NUDT5: variants seen among roughly 807,000 people sequenced by gnomAD.
The protein encoded by NUDT5 is ADP-sugar pyrophosphatase.
Under a neutral mutation model 34.1 loss-of-function variants are expected in NUDT5, and 21 were observed. The ratio of observed to expected loss-of-function variants is 0.62; its 90% CI spans 0.44 to 0.89. The LOEUF (loss-of-function observed/expected upper bound fraction) is 0.89, where lower values mean the gene tolerates loss of function less well. Among genes scored for constraint, NUDT5 ranks in the 40% least tolerant of loss-of-function variants. NUDT5 has a pLI of 0.00. For synonymous variants in NUDT5, 85 were observed against 97.6 expected, an observed-to-expected ratio of 0.87 and a Z score of 0.76; for missense variants, 249 against 274.8, an observed-to-expected ratio of 0.91 and a Z score of 0.66.
At chr10:12,189,520 A>T (rs557588505) in intron 1 of NUDT5, among the ~76,000 whole-genome samples, 4 of 152,358 alleles carry the variant, frequency 2.6e-5, no homozygotes, top group African/African-American at 7.2e-5. Context: ...GCATATTCTT[A>T]ACTATGAGAT....
At chr10:12,195,053 G>T (rs960608522) in intron 1 of NUDT5, among the ~76,000 whole-genome samples, 2 of 152,188 alleles carry the variant, frequency 1.3e-5, no homozygotes, top group African/African-American at 2.4e-5. Flanking sequence ...TCAGCTACTC[G>T]AGAAGCTAAG....
chr10:12,173,925 GGT>G lies in NUDT5; in HGVS notation c.290-114_290-113del. On this transcript the variant is annotated intron_variant, in intron 5 of 9. Coordinates refer to ENST00000491614, the MANE Select transcript of NUDT5 (RefSeq NM_014142.4). The surrounding 1 kb of genome is among the most constrained non-coding windows in gnomAD (Gnocchi z 4.7). ...TCTGTCGCCCAGGCTGGAGTGCAGTGGTGCGATCTCGGCCCACTGCAACCTCC... is the reference window on the plus strand; with the variant it reads ...TCTGTCGCCCAGGCTGGAGTGCAGTGGCGATCTCGGCCCACTGCAACCTCC... 2.6e-6 allele frequency: 2 copies of G among 780,560 alleles called. No individual in the cohort carries two copies. The highest frequency in any genetic ancestry group is 4.4e-6 in the Non-Finnish European group (2 of 450,778). 48.4% of individuals were successfully genotyped at this position (780,560 alleles called of 1,614,324 possible).
At chr10:12,177,462 T>A (rs1353708576) in intron 5 of NUDT5, among the ~76,000 whole-genome samples, 1 of 152,102 alleles carries the variant, frequency 6.6e-6, no homozygotes, top group Non-Finnish European at 1.5e-5. Context: ...GAGGTTGCAG[T>A]GAGCCGAGAT....
chr10:12,188,851 G>A (rs1485422538), intron 1 of NUDT5, among the ~76,000 whole-genome samples: 2 of 151,604 alleles, frequency 1.3e-5, no homozygotes, highest in Admixed American at 1.3e-4. Context: ...TTTATGTCAA[G>A]TGACTCAGCG....
rs543220456 is a variant in NUDT5 at position 12,169,174 on chromosome 10, T to C, written c.551-1363A>G. 2.5e-4 allele frequency: 210 copies of C among 829,664 alleles called. No individual in the cohort carries two copies. The African/African-American group carries it at 2.8e-3, about 11-fold the overall frequency. 51.4% of individuals were successfully genotyped at this position (829,664 alleles called of 1,614,324 possible). On this transcript the variant is annotated intron_variant, in intron 9 of 9. Transcript: ENST00000491614. The surrounding 1 kb of genome is among the most constrained non-coding windows in gnomAD (Gnocchi z 4.8). ...TTCTGCTAAAGCTAGGCAACTTGGTTCTTTTACCCCTCCTCCTTTATAGCC... is the reference window on the plus strand; with the variant it reads ...TTCTGCTAAAGCTAGGCAACTTGGTCCTTTTACCCCTCCTCCTTTATAGCC...
Position 12,167,696 on chromosome 10 carries a change from T to G in NUDT5, c.*6A>C. The G allele has an allele frequency of 3.1e-6, 5 of 1,613,826 alleles. No homozygotes were observed. The highest frequency in any genetic ancestry group is 4.2e-6 in the Non-Finnish European group (5 of 1,179,870). On this transcript the variant is annotated 3_prime_UTR_variant, in exon 10 of 10. Transcript: ENST00000491614. ...TTTACAAAAATGGCCAGTGTCATAT[T>G]TGGGCTTAAAATTTCAAGAAGGGCA... is the stretch of plus-strand genomic sequence containing the variant.
intron 1 of NUDT5, among the ~76,000 whole-genome samples, chr10:12,192,030 C>A (rs986950468): frequency 6.6e-5 from 10 of 152,206 alleles, no homozygotes; most frequent in African/African-American, 2.2e-4. Flanking sequence ...CTAGGTCTCT[C>A]CTGATAAAAG....
At position 12,166,925 on chromosome 10, in the gene NUDT5, T is replaced by C. The variant is rs1045865773; in HGVS notation, c.*777A>G. ...TGGCTGATCTTGCTGGTTCTGTTCA[T>C]GGTTTAACATCAAGATATTACTGCC... On this transcript the variant is annotated 3_prime_UTR_variant, in exon 10 of 10. Coordinates refer to ENST00000491614, the MANE Select transcript of NUDT5 (RefSeq NM_014142.4). 4.8e-5 allele frequency: 14 copies of C among 291,308 alleles called. No homozygotes were observed. Among genetic ancestry groups the C allele is most frequent in the Admixed American group, 1.9e-4 (4 of 21,380 alleles). 18.0% of individuals were successfully genotyped at this position (291,308 alleles called of 1,614,324 possible).
At position 12,178,576 on chromosome 10, in the gene NUDT5, C is replaced by A. The variant is rs938964451; in HGVS notation, c.181+507G>T. ...AGAAAAGCCTAGTGCCCAACTTCCCCTCGACCAGAGTGATTCTCAGGATTG... is the reference window on the plus strand; with the variant it reads ...AGAAAAGCCTAGTGCCCAACTTCCCATCGACCAGAGTGATTCTCAGGATTG... On this transcript the variant is annotated intron_variant, in intron 4 of 9. Transcript: ENST00000491614. Among the ~76,000 whole-genome samples, 4 of 152,340 alleles carry A rather than the reference C, an allele frequency of 2.6e-5. No homozygotes were observed. In the East Asian group the frequency reaches 7.7e-4, roughly 29 times the overall value.
rs1835050484 is a variant in NUDT5 at position 12,181,991 on chromosome 10, GC to G, written c.132-2860del. ...TACTAAAAATACAAAAATCAGCCAGGCCCAGTGGCATGCACCTCTAGTCCCA... is the reference window on the plus strand; with the variant it reads ...TACTAAAAATACAAAAATCAGCCAGGCCAGTGGCATGCACCTCTAGTCCCA... On this transcript the variant is annotated intron_variant, in intron 3 of 9. Coordinates refer to ENST00000491614, the MANE Select transcript of NUDT5 (RefSeq NM_014142.4). The surrounding 1 kb of genome is among the most constrained non-coding windows in gnomAD (Gnocchi z 5.0). Among the ~76,000 whole-genome samples the G allele has an allele frequency of 6.6e-6, 1 of 152,038 alleles. No individual in the cohort carries two copies. Among genetic ancestry groups the G allele is most frequent in the South Asian group, 2.1e-4 (1 of 4,818 alleles).
rs117441391 is a variant in NUDT5 at position 12,168,465 on chromosome 10, T to G, written c.551-654A>C. Among the ~76,000 whole-genome samples, 28 of 152,336 alleles carry G rather than the reference T, an allele frequency of 1.8e-4. No homozygotes were observed. The East Asian group carries it at 5.2e-3, about 28-fold the overall frequency. On this transcript the variant is annotated intron_variant, in intron 9 of 9. Transcript: ENST00000491614. The surrounding 1 kb of genome is among the most constrained non-coding windows in gnomAD (Gnocchi z 4.8). ...GTAGGATCTTAGGGATTCCATCTTT[T>G]CTGCTGCTAGGGGATACATATGTTC...
At chr10:12,174,069 T>C (rs1010305717) in intron 5 of NUDT5, among the ~76,000 whole-genome samples, 1 of 152,058 alleles carries the variant, frequency 6.6e-6, no homozygotes, top group Non-Finnish European at 1.5e-5. Flanking sequence ...GGTTTCACCA[T>C]CTTAGCCAGG....
rs11972 is a variant in NUDT5 at position 12,165,509 on chromosome 10, A to G, written c.*2193T>C. On this transcript the variant is annotated 3_prime_UTR_variant, in exon 10 of 10. Coordinates refer to ENST00000491614, the MANE Select transcript of NUDT5 (RefSeq NM_014142.4). ...TAATTACACTTCAAACTTTAATCCT[A>G]AATTATTGACAGATAGATAGATAGT... 0.37 allele frequency: 104,567 copies of G among 282,462 alleles called. 20,603 individuals are homozygous for G. The highest frequency in any genetic ancestry group is 0.42 in the East Asian group (2,385 of 5,712). The allele number at this position is 282,462 out of a possible 1,614,324, so 17.5% of individuals were successfully genotyped here.
At chr10:12,179,356 C>T (rs1835009510) in intron 3 of NUDT5, among the ~76,000 whole-genome samples, 1 of 152,218 alleles carries the variant, frequency 6.6e-6, no homozygotes, top group African/African-American at 2.4e-5. Context: ...TACACCTCAC[C>T]TTCTGGGTGC....
intron 1 of NUDT5, among the ~76,000 whole-genome samples, chr10:12,189,528 G>T (rs187742218): frequency 6.6e-6 from 1 of 152,294 alleles, no homozygotes; most frequent in Admixed American, 6.5e-5. Flanking sequence ...TTAACTATGA[G>T]ATTCCCAAAC....
intron 4 of NUDT5, 144 bp downstream of exon 4, chr10:12,178,939 T>G (rs1184116132): frequency 1.6e-5 from 11 of 690,640 alleles, no homozygotes; most frequent in Non-Finnish European, 2.8e-5. Flanking sequence ...AAGCTTAATT[T>G]CGTTACATAG....
At position 12,169,183 on chromosome 10, in the gene NUDT5, C is replaced by A; in HGVS notation, c.551-1372G>T. ...AGCTAGGCAACTTGGTTCTTTTACC[C>A]CTCCTCCTTTATAGCCATAGTAGCC... On this transcript the variant is annotated intron_variant, in intron 9 of 9. Coordinates refer to ENST00000491614, the MANE Select transcript of NUDT5 (RefSeq NM_014142.4). The surrounding 1 kb of genome is among the most constrained non-coding windows in gnomAD (Gnocchi z 4.8). 1 of 925,690 alleles carries A rather than the reference C, an allele frequency of 1.1e-6. No individual in the cohort carries two copies. Among genetic ancestry groups the A allele is most frequent in the South Asian group, 1.7e-5 (1 of 58,658 alleles). 57.3% of individuals were successfully genotyped at this position (925,690 alleles called of 1,614,324 possible). A position where few individuals can be genotyped will look rare whatever the true frequency, so the allele number is the denominator to read the frequency against.
At position 12,182,808 on chromosome 10, in the gene NUDT5, C is replaced by T. The variant is rs1487602969; in HGVS notation, c.131+2081G>A. On this transcript the variant is annotated intron_variant, in intron 3 of 9. Transcript: ENST00000491614. This position sits in a 1 kb window ranked among gnomAD's most constrained non-coding sequence, Gnocchi z 4.3. ...CTGGAGTACAGTGGTGCAGTCTCGG[C>T]TCACTGCAACCACCTCCTCCCGGGC... 6.6e-6 allele frequency among the ~76,000 whole-genome samples: 1 copy of T among 152,216 alleles called. No individual in the cohort carries two copies. Among genetic ancestry groups the T allele is most frequent in the Non-Finnish European group, 1.5e-5 (1 of 68,042 alleles).
Position 12,169,389 on chromosome 10 carries a change from C to A in NUDT5, c.550+1328G>T. 1 of 1,108,642 alleles carries A rather than the reference C, an allele frequency of 9.0e-7. No individual in the cohort carries two copies. The highest frequency in any genetic ancestry group is 1.5e-5 in the South Asian group (1 of 68,156). The allele number at this position is 1,108,642 out of a possible 1,614,324, so 68.7% of individuals were successfully genotyped here. On this transcript the variant is annotated intron_variant, in intron 9 of 9. Coordinates refer to ENST00000491614, the MANE Select transcript of NUDT5 (RefSeq NM_014142.4). The surrounding 1 kb of genome is among the most constrained non-coding windows in gnomAD (Gnocchi z 4.8). ...TCACCCTGCTTTCCACGCACCTCCT[C>A]AGAGGGAGGGGCTGTTATTGTTCCT...
Sources: allele counts gnomAD v4.1 joint callset (sites outside exome capture counted in the v4.1 genomes callset), GRCh38; gene constraint gnomAD v4.1.1; non-coding constraint Gnocchi (gnomAD v3.1); transcripts MANE v1.5; gene names NCBI Gene and HGNC (gene_info 2026-07-23, HGNC 2026-07-21).